Variants in TNNI3K observed in about 807,000 individuals in gnomAD.
TNNI3K encodes the protein serine/threonine-protein kinase TNNI3K.
A neutral mutation model predicts 114.5 loss-of-function variants in TNNI3K; 140 were observed. The observed-to-expected ratio is 1.22, with a 90% confidence interval of 1.07 to 1.41. The LOEUF is 1.41. Ranked by LOEUF, TNNI3K falls within the 40% of genes most tolerant of loss-of-function variation. The pLI is 0.00. For synonymous variants in TNNI3K, 347 were observed against 347.5 expected (o/e 1.00, Z 0.02); for missense variants, 1,125 against 1,007.6 (o/e 1.12, Z -1.58).
intron 20 of TNNI3K, among the ~76,000 whole-genome samples, chr1:74,450,256 G>A (rs1341695805): frequency 6.6e-6 from 1 of 151,586 alleles, no homozygotes; most frequent in Admixed American, 6.6e-5. Context: ...ATTCAAAGCA[G>A]TGTGTAGAGG....
intron 5 of TNNI3K, among the ~76,000 whole-genome samples, chr1:74,279,175 C>G (rs1656857843): frequency 6.6e-6 from 1 of 152,186 alleles, no homozygotes; most frequent in African/African-American, 2.4e-5. Context: ...AATGGGGTAT[C>G]TTCCTGAATG....
At chr1:74,430,738 A>G (rs1202656835) in intron 17 of TNNI3K, among the ~76,000 whole-genome samples, 1 of 152,160 alleles carries the variant, frequency 6.6e-6, no homozygotes, top group African/African-American at 2.4e-5. Context: ...CATTTGCTTC[A>G]TGGTAAAAGA....
intron 11 of TNNI3K, among the ~76,000 whole-genome samples, chr1:74,362,405 T>G (rs1662015843): frequency 6.6e-6 from 1 of 152,122 alleles, no homozygotes; most frequent in Non-Finnish European, 1.5e-5. Context: ...ATGTTCTCTA[T>G]ACAGCCGTGA....
chr1:74,333,836 A>T (rs1161932675), intron 6 of TNNI3K, among the ~76,000 whole-genome samples: 2 of 152,218 alleles, frequency 1.3e-5, no homozygotes, highest in Admixed American at 6.5e-5. Context: ...TTTCAGAGAT[A>T]GTTTAAATCA....
chr1:74,250,625 A>T, intron 3 of TNNI3K, 47 bp from the exon 4 acceptor site: 1 of 1,568,408 alleles, frequency 6.4e-7, no homozygotes, highest in Non-Finnish European at 8.7e-7. Context: ...TCTCAAACTC[A>T]CCCCATCCCC....
intron 9 of TNNI3K, 61 bp from the exon 10 acceptor site, chr1:74,353,205 G>A (rs1037808714): frequency 2.2e-5 from 34 of 1,562,812 alleles, no homozygotes; most frequent in African/African-American, 6.9e-5. Context: ...AGGGGAGAGG[G>A]CACAATTTAG....
At chr1:74,404,868 T>G in intron 17 of TNNI3K, among the ~76,000 whole-genome samples, 1 of 152,232 alleles carries the variant, frequency 6.6e-6, no homozygotes, top group East Asian at 1.9e-4. Flanking sequence ...ACCAGAGCTC[T>G]GTTAACTGAT....
intron 4 of TNNI3K, among the ~76,000 whole-genome samples, chr1:74,257,277 C>A (rs2100863035): frequency 6.6e-6 from 1 of 152,222 alleles, no homozygotes; most frequent in African/African-American, 2.4e-5. Context: ...GATGACACAT[C>A]TGTTATTTCA....
At chr1:74,438,405 C>G (rs918272152) in intron 19 of TNNI3K, among the ~76,000 whole-genome samples, 2 of 151,952 alleles carry the variant, frequency 1.3e-5, no homozygotes, top group African/African-American at 4.8e-5. Flanking sequence ...AATTAGCAAC[C>G]AACACTACAC....
intron 5 of TNNI3K, among the ~76,000 whole-genome samples, chr1:74,306,637 A>G (rs142063226): frequency 2.6e-5 from 4 of 152,238 alleles, no homozygotes; most frequent in South Asian, 2.1e-4. Context: ...TAGTAATGTT[A>G]GGCATTTTTT....
At chr1:74,285,491 C>A (rs1356095850) in intron 5 of TNNI3K, among the ~76,000 whole-genome samples, 1 of 150,902 alleles carries the variant, frequency 6.6e-6, no homozygotes, top group African/African-American at 2.4e-5. Flanking sequence ...TTGGATCCAT[C>A]TATCCTGAAG....
intron 23 of TNNI3K, among the ~76,000 whole-genome samples, chr1:74,539,161 T>C (rs577612293): frequency 2.0e-5 from 3 of 152,240 alleles, no homozygotes; most frequent in African/African-American, 7.2e-5. Flanking sequence ...ATGGATAGTT[T>C]AGGATTATAT....
intron 21 of TNNI3K, among the ~76,000 whole-genome samples, chr1:74,473,770 G>A (rs1022838762): frequency 3.3e-5 from 5 of 152,106 alleles, no homozygotes; most frequent in Admixed American, 6.6e-5. Context: ...CTAGATGGGA[G>A]CTTTATGTAA....
intron 23 of TNNI3K, 43 bp downstream of exon 23, chr1:74,492,309 C>T: frequency 6.9e-7 from 1 of 1,441,980 alleles, no homozygotes; most frequent in South Asian, 1.7e-5. Context: ...AGTCTTATTT[C>T]AGAATCTTAT....
At chr1:74,506,861 G>A (rs938523175) in intron 23 of TNNI3K, among the ~76,000 whole-genome samples, 10 of 151,874 alleles carry the variant, frequency 6.6e-5, no homozygotes, top group African/African-American at 2.2e-4. Context: ...TCTTACACTT[G>A]ATGGAAAGAT....
At chr1:74,280,205 A>C (rs537712973) in intron 5 of TNNI3K, among the ~76,000 whole-genome samples, 96 of 152,108 alleles carry the variant, frequency 6.3e-4, no homozygotes, top group Admixed American at 1.8e-3. Context: ...ACACGGTGAA[A>C]CCCCGTCTCT....
At position 74,507,224 on chromosome 1, in the gene TNNI3K, C is replaced by CCT. The variant is rs1553153837; in HGVS notation, c.2351+14959_2351+14960insTC. Among the ~76,000 whole-genome samples, 5 of 27,074 alleles carry CCT rather than the reference C, an allele frequency of 1.8e-4. No homozygotes were observed. In the East Asian group the frequency reaches 0.025, roughly 133 times the overall value. The allele number at this position is 27,074 out of a possible 152,430, so 17.8% of individuals were successfully genotyped here. A position where few individuals can be genotyped will look rare whatever the true frequency, so the allele number is the denominator to read the frequency against. Reference sequence around the variant, plus strand: ...GATGAGCAGTTTTTAAATTTCTTCACCCCCCCCCCATCTTTTTAACACAAA... The same window carrying CCT: ...GATGAGCAGTTTTTAAATTTCTTCACCTCCCCCCCCCATCTTTTTAACACAAA... On this transcript the variant is annotated intron_variant, in intron 23 of 24. Transcript: ENST00000326637.
chr1:74,257,418 TTC>T (rs1317229882), intron 4 of TNNI3K, among the ~76,000 whole-genome samples: 2 of 152,164 alleles, frequency 1.3e-5, no homozygotes, highest in African/African-American at 4.8e-5. Flanking sequence ...GGGCACATTT[TTC>T]TGTTTCTTCA....
intron 7 of TNNI3K, among the ~76,000 whole-genome samples, chr1:74,341,241 G>A (rs1660732453): frequency 6.6e-6 from 1 of 152,132 alleles, no homozygotes; most frequent in African/African-American, 2.4e-5. Flanking sequence ...CTAGACTGTA[G>A]GTTATTTGAG....
Sources: allele counts gnomAD v4.1 joint callset (sites outside exome capture counted in the v4.1 genomes callset), GRCh38; gene constraint gnomAD v4.1.1; transcripts MANE v1.5; gene names NCBI Gene and HGNC (gene_info 2026-07-23, HGNC 2026-07-21).